Variants in YES1 observed in about 807,000 individuals in gnomAD.
YES1 encodes tyrosine-protein kinase Yes.
A neutral mutation model predicts 70.4 loss-of-function variants in YES1; 39 were observed. The ratio of observed to expected loss-of-function variants is 0.55; its 90% confidence interval spans 0.43 to 0.72. YES1 has a LOEUF of 0.72. YES1 is among the 30% of genes least tolerant of loss of function. YES1 has a pLI of 0.00. For synonymous variants in YES1, 198 were observed against 218.6 expected (o/e 0.91, Z 0.83); for missense variants, 495 against 644.8 (o/e 0.77, Z 2.52).
chr18:746,902 ATG>A (rs2080287514), intron 4 of YES1, among the ~76,000 whole-genome samples: 1 of 152,144 alleles, frequency 6.6e-6, no homozygotes, highest in African/African-American at 2.4e-5. Flanking sequence ...CTACATATGT[ATG>A]TGTGTGCATG....
At chr18:805,643 C>T (rs1907060302) in intron 1 of YES1, among the ~76,000 whole-genome samples, 1 of 152,224 alleles carries the variant, frequency 6.6e-6, no homozygotes, top group Non-Finnish European at 1.5e-5. Flanking sequence ...TGTTAGTGCT[C>T]TACCTTCCAG....
chr18:805,099 G>A (rs1042378742), intron 1 of YES1, among the ~76,000 whole-genome samples: 2 of 151,910 alleles, frequency 1.3e-5, no homozygotes, highest in Non-Finnish European at 1.5e-5. Context: ...TTATCAATAC[G>A]GTCATGCATC....
At chr18:737,050 C>T (rs2080162111) in intron 9 of YES1, 89 bp from the exon 10 acceptor site, 4 of 1,106,522 alleles carry the variant, frequency 3.6e-6, no homozygotes, top group African/African-American at 3.2e-5. Context: ...AATTGTGTCA[C>T]TGAAAATCAT....
Position 756,733 on chromosome 18 carries a change from T to A in YES1, c.95A>T (p.Tyr32Phe). 6.2e-7 allele frequency: 1 copy of A among 1,614,226 alleles called. No individual in the cohort carries two copies. Among genetic ancestry groups the A allele is most frequent in the African/African-American group, 1.3e-5 (1 of 75,058 alleles). Residue 32 changes from tyrosine to phenylalanine, a missense_variant, in exon 2 of 12, where the codon TAT becomes TTT. Tyr to Phe is a conservative substitution (Grantham distance 22). Coordinates refer to ENST00000314574, the MANE Select transcript of YES1 (RefSeq NM_005433.4). ...TGACACTGTAGTGGGTTCTGCTCCA[T>A]AATGGCTCACACTTGTACTGACAGG... ...PEPVSTSVSHYGAEPTTVSPC... is the reference protein window; with the variant it reads ...PEPVSTSVSHFGAEPTTVSPC...
At chr18:794,800 T>C (rs141805950) in intron 1 of YES1, among the ~76,000 whole-genome samples, 15 of 152,184 alleles carry the variant, frequency 9.9e-5, no homozygotes, top group African/African-American at 3.6e-4. Flanking sequence ...TGTCTTCACA[T>C]GTGGGTTTTT....
intron 1 of YES1, among the ~76,000 whole-genome samples, chr18:791,122 C>T (rs368758154): frequency 1.6e-4 from 24 of 151,170 alleles, no homozygotes; most frequent in African/African-American, 5.6e-4. Flanking sequence ...TGGTGGTGCG[C>T]GTTTGTAATC....
rs1468332033 is a variant in YES1 at position 725,986 on chromosome 18, G to A, written c.1424-1354C>T. Among the ~76,000 whole-genome samples, 4 of 152,278 alleles carry A rather than the reference G, an allele frequency of 2.6e-5. No individual in the cohort carries two copies. The East Asian group carries it at 7.7e-4, about 29-fold the overall frequency. On this transcript the variant is annotated intron_variant, in intron 11 of 11. Transcript: ENST00000314574. ...AGGAGTAAGGGAATTAATATTCAGT[G>A]AGGGCTTACTATAATTGAACTTCTT...
At chr18:735,161 C>CAAAAAAAGAAAAAAAAAAAAAAAAAA (rs759084064) in intron 10 of YES1, among the ~76,000 whole-genome samples, 1 of 110,632 alleles carries the variant, frequency 9.0e-6, no homozygotes, top group African/African-American at 3.4e-5. Context: ...TGTCTCAAAG[C>CAAAAAAAGAAAAAAAAAAAAAAAAAA]AAAAAAAAAA....
chr18:795,696 G>A (rs1315504382), intron 1 of YES1, among the ~76,000 whole-genome samples: 2 of 137,980 alleles, frequency 1.4e-5, no homozygotes, highest in Non-Finnish European at 3.1e-5. Context: ...ATAAGTGGGA[G>A]ATGAACAATG....
chr18:727,705 C>G (rs895053307), intron 11 of YES1, among the ~76,000 whole-genome samples: 2 of 152,164 alleles, frequency 1.3e-5, no homozygotes, highest in Non-Finnish European at 2.9e-5. Context: ...CGGTTTACCT[C>G]TTATTCCCTG....
chr18:731,590 T>C (rs1410537997), intron 11 of YES1, among the ~76,000 whole-genome samples: 1 of 152,216 alleles, frequency 6.6e-6, no homozygotes, highest in Non-Finnish European at 1.5e-5. Flanking sequence ...TACAAGAGTT[T>C]AGAAGTAACA....
intron 1 of YES1, among the ~76,000 whole-genome samples, chr18:804,745 C>T (rs891521191): frequency 6.0e-5 from 9 of 150,792 alleles, no homozygotes; most frequent in Non-Finnish European, 1.2e-4. Context: ...AAATCCCATT[C>T]TCTACTAAAA....
chr18:797,795 T>TA (rs1304337399), intron 1 of YES1, among the ~76,000 whole-genome samples: 2 of 152,216 alleles, frequency 1.3e-5, no homozygotes, highest in Non-Finnish European at 2.9e-5. Context: ...CTAAGATATC[T>TA]ACCTGTCTCC....
chr18:773,563 A>G (rs1905245487), intron 1 of YES1, among the ~76,000 whole-genome samples: 1 of 152,212 alleles, frequency 6.6e-6, no homozygotes, highest in Admixed American at 6.5e-5. Flanking sequence ...CAGTGAGGAA[A>G]GACAGACACC....
At chr18:745,229 T>C (rs920760650) in intron 6 of YES1, among the ~76,000 whole-genome samples, 3 of 152,116 alleles carry the variant, frequency 2.0e-5, no homozygotes, top group African/African-American at 7.2e-5. Context: ...AAGACAAAAA[T>C]GTCTATAATT....
intron 9 of YES1, 177 bp downstream of exon 9, chr18:739,558 A>G: frequency 2.3e-6 from 1 of 440,672 alleles, no homozygotes; most frequent in East Asian, 3.6e-5. Flanking sequence ...GCACGGAGCT[A>G]TCAGTGCACC....
At chr18:801,061 G>A (rs553440550) in intron 1 of YES1, among the ~76,000 whole-genome samples, 20 of 152,214 alleles carry the variant, frequency 1.3e-4, no homozygotes, top group Admixed American at 3.9e-4. Context: ...CAGGAGAATC[G>A]CTTGAACCAA....
intron 1 of YES1, among the ~76,000 whole-genome samples, chr18:800,940 G>A (rs1255180670): frequency 6.6e-6 from 1 of 152,180 alleles, no homozygotes; most frequent in Non-Finnish European, 1.5e-5. Context: ...GAGGTCAGGA[G>A]ATCGAGACCA....
chr18:753,606 G>A (rs573564589), intron 2 of YES1, among the ~76,000 whole-genome samples: 96 of 152,088 alleles, frequency 6.3e-4, no homozygotes, highest in African/African-American at 2.2e-3. Flanking sequence ...CTGCCTCAGC[G>A]TCCTGAGTAG....
Sources: allele counts gnomAD v4.1 joint callset (sites outside exome capture counted in the v4.1 genomes callset), GRCh38; gene constraint gnomAD v4.1.1; transcripts MANE v1.5; gene names NCBI Gene and HGNC (gene_info 2026-07-23, HGNC 2026-07-21).